Variants in BICC1 observed in about 807,000 individuals in gnomAD.
BICC1 encodes the protein protein bicaudal C homolog 1.
Under a neutral mutation model 111.0 loss-of-function variants are expected in BICC1, and 43 were observed. The ratio of observed to expected loss-of-function variants is 0.39; its 90% CI spans 0.30 to 0.50. The LOEUF (loss-of-function observed/expected upper bound fraction) is 0.50. Ranked by LOEUF, BICC1 falls within the 20% of genes least tolerant of loss-of-function variation. The pLI is 0.88. For missense variants in BICC1, 1,091 were observed against 1,203.2 expected (o/e 0.91, Z 1.38); for synonymous variants, 467 against 434.4 (o/e 1.07, Z -0.93).
chr10:58,572,097 G>A (rs538441536), intron 1 of BICC1, among the ~76,000 whole-genome samples: 2 of 152,258 alleles, frequency 1.3e-5, no homozygotes, highest in Admixed American at 1.3e-4. Flanking sequence ...GTGATGTTGA[G>A]CTGTTTTTCA....
chr10:58,533,209 G>A (rs1473867259), intron 1 of BICC1, among the ~76,000 whole-genome samples: 1 of 151,812 alleles, frequency 6.6e-6, no homozygotes, highest in African/African-American at 2.4e-5. Flanking sequence ...ATCAAACAAG[G>A]ACAAATTTTA....
intron 2 of BICC1, among the ~76,000 whole-genome samples, chr10:58,679,254 T>A (rs1307598343): frequency 1.3e-5 from 2 of 152,126 alleles, no homozygotes; most frequent in South Asian, 2.1e-4. Context: ...GGAGCTGGTT[T>A]TTTGAAAAGA....
intron 2 of BICC1, among the ~76,000 whole-genome samples, chr10:58,621,650 A>G (rs1845810595): frequency 6.6e-6 from 1 of 152,070 alleles, no homozygotes; most frequent in Admixed American, 6.6e-5. Flanking sequence ...GTGTGCCTAT[A>G]ATCCTAGTGC....
chr10:58,794,382 A>G (rs1239208717), intron 9 of BICC1, among the ~76,000 whole-genome samples: 1 of 151,700 alleles, frequency 6.6e-6, no homozygotes, highest in Non-Finnish European at 1.5e-5. Context: ...GTAAAATTTC[A>G]GTAACTACAT....
rs946606805 is a variant in BICC1 at position 58,625,100 on chromosome 10, T to G, written c.237+4199T>G. Among the ~76,000 whole-genome samples the G allele has an allele frequency of 3.5e-4, 54 of 152,214 alleles. 1 individual carries two copies. The highest frequency in any genetic ancestry group is 2.9e-5 in the Non-Finnish European group (2 of 68,040). ...TTTTATTCTTCGGCTCTGACTACAC[T>G]TATAAAAGGCGGGAATGGATATAAC... On this transcript the variant is annotated intron_variant, in intron 2 of 20. Coordinates refer to ENST00000373886, the MANE Select transcript of BICC1 (RefSeq NM_001080512.3).
intron 3 of BICC1, among the ~76,000 whole-genome samples, chr10:58,778,858 A>T (rs1842814323): frequency 6.6e-6 from 1 of 152,140 alleles, no homozygotes. Context: ...TTGCTCTTTT[A>T]TTAGAATTCT....
Position 58,789,927 on chromosome 10 carries a change from T to C in BICC1, c.1041T>C (p.Tyr347=). 1 of 1,614,042 alleles carries C rather than the reference T, an allele frequency of 6.2e-7. No homozygotes were observed. Among genetic ancestry groups the C allele is most frequent in the Non-Finnish European group, 8.5e-7 (1 of 1,179,974 alleles). Residue 347 remains tyrosine, a synonymous_variant, in exon 8 of 21, where the codon TAT becomes TAC. Transcript: ENST00000373886. ...TIESVCLARQ[Y]LMGCLPLVLM... is the part of the protein sequence containing the mutation. ...AGTCTGTCTGTCTTGCAAGGCAATA[T>C]CTCATGGTAAGGTTACTGAAATAAG...
At chr10:58,711,951 C>G (rs1198022119) in intron 3 of BICC1, among the ~76,000 whole-genome samples, 2 of 151,928 alleles carry the variant, frequency 1.3e-5, no homozygotes, top group Non-Finnish European at 2.9e-5. Flanking sequence ...TTGCAAAAGA[C>G]ACATCTGATG....
chr10:58,623,487 A>G (rs535264200), intron 2 of BICC1, among the ~76,000 whole-genome samples: 2 of 152,206 alleles, frequency 1.3e-5, no homozygotes, highest in Non-Finnish European at 2.9e-5. Flanking sequence ...AACACAATAA[A>G]GGATAAAATG....
At chr10:58,718,391 T>C (rs1242937107) in intron 3 of BICC1, among the ~76,000 whole-genome samples, 1 of 152,194 alleles carries the variant, frequency 6.6e-6, no homozygotes, top group East Asian at 1.9e-4. Context: ...AGTCTCCACC[T>C]CTTAATACTG....
chr10:58,721,186 TC>T (rs1376359849), intron 3 of BICC1, among the ~76,000 whole-genome samples: 2 of 152,178 alleles, frequency 1.3e-5, no homozygotes, highest in South Asian at 4.1e-4. Flanking sequence ...TTTCAGAACA[TC>T]CTAGGGACAT....
chr10:58,559,034 A>G (rs542567884), intron 1 of BICC1, among the ~76,000 whole-genome samples: 7 of 152,068 alleles, frequency 4.6e-5, no homozygotes, highest in African/African-American at 7.2e-5. Flanking sequence ...TATTCAAACC[A>G]TAGCACTTAG....
At chr10:58,521,507 C>G (rs1658492) in intron 1 of BICC1, among the ~76,000 whole-genome samples, 2 of 151,772 alleles carry the variant, frequency 1.3e-5, no homozygotes, top group African/African-American at 4.8e-5. Context: ...GGTTCCTGAT[C>G]AATTTTGCAA....
At chr10:58,726,508 T>TA (rs2132540709) in intron 3 of BICC1, among the ~76,000 whole-genome samples, 1 of 152,330 alleles carries the variant, frequency 6.6e-6, no homozygotes, top group South Asian at 2.1e-4. Context: ...TCACAGTGCT[T>TA]AGAGCTTCTA....
chr10:58,764,170 T>C (rs1459278488), intron 3 of BICC1, among the ~76,000 whole-genome samples: 1 of 152,186 alleles, frequency 6.6e-6, no homozygotes, highest in Non-Finnish European at 1.5e-5. Flanking sequence ...ATACCTGTAT[T>C]ACTCTGAGAA....
chr10:58,769,400 G>GTATATATATATATATATA (rs1202556984), intron 3 of BICC1, among the ~76,000 whole-genome samples: 1,314 of 105,486 alleles, frequency 0.012, 14 homozygotes, highest in Non-Finnish European at 0.019. Context: ...GTGTGTGTGT[G>GTATATATATATATATATA]TGTGTATATA....
At chr10:58,786,544 C>T (rs1286605991) in intron 4 of BICC1, among the ~76,000 whole-genome samples, 1 of 152,122 alleles carries the variant, frequency 6.6e-6, no homozygotes, top group Non-Finnish European at 1.5e-5. Flanking sequence ...TGCATATCTT[C>T]AATCTTGTAA....
At chr10:58,588,179 GTATT>G (rs1451026348) in intron 1 of BICC1, among the ~76,000 whole-genome samples, 1 of 152,178 alleles carries the variant, frequency 6.6e-6, no homozygotes, top group Non-Finnish European at 1.5e-5. Flanking sequence ...ATATTAGTAT[GTATT>G]TATTCATGAC....
chr10:58,745,117 T>G (rs1469978425), intron 3 of BICC1, among the ~76,000 whole-genome samples: 3 of 152,182 alleles, frequency 2.0e-5, no homozygotes, highest in Non-Finnish European at 4.4e-5. Flanking sequence ...ACTCTAATCT[T>G]CTAAAGACTT....
Sources: gnomAD v4.1 joint callset for allele counts (sites outside exome capture counted in the v4.1 genomes callset) on GRCh38, gnomAD v4.1.1 for gene constraint, MANE v1.5 for transcripts, NCBI Gene and HGNC (gene_info 2026-07-23, HGNC 2026-07-21) for gene names.